PARP16: variants seen among roughly 807,000 people sequenced by gnomAD.
The protein encoded by PARP16 is poly(ADP-ribose) polymerase family member 16.
PARP16 carries 31 observed loss-of-function variants against 35.0 expected under a neutral mutation model. The observed-to-expected ratio is 0.88, with a 90% CI of 0.66 to 1.19. The LOEUF (loss-of-function observed/expected upper bound fraction) is 1.19. Among genes scored for constraint, PARP16 ranks in the 50% most tolerant of loss-of-function variants. The pLI is 0.00. For synonymous variants in PARP16, 162 were observed against 169.5 expected, an observed-to-expected ratio of 0.96 and a Z score of 0.34; for missense variants, 424 against 411.2, an observed-to-expected ratio of 1.03 and a Z score of -0.27.
intron 3 of PARP16, among the ~76,000 whole-genome samples, chr15:65,265,598 T>C (rs556316798): frequency 6.6e-6 from 1 of 152,150 alleles, no homozygotes; most frequent in African/African-American, 2.4e-5. Context: ...TCTTGGCATA[T>C]CCCTCAGTTT....
At chr15:65,261,049 A>G in intron 4 of PARP16, 23 bp from the exon 5 acceptor site, 1 of 1,606,522 alleles carries the variant, frequency 6.2e-7, no homozygotes, top group Non-Finnish European at 8.5e-7. Context: ...AGTAAAACAC[A>G]TCTTCACTGG....
chr15:65,242,397 A>C (rs1320451626), intron 3 of PARP16, among the ~76,000 whole-genome samples: 1 of 36,064 alleles, frequency 2.8e-5, no homozygotes, highest in African/African-American at 9.5e-5. Flanking sequence ...TGTTTACTAC[A>C]AAAAAAAAAA....
At chr15:65,272,855 T>C (rs1173593327) in intron 1 of PARP16, among the ~76,000 whole-genome samples, 2 of 152,326 alleles carry the variant, frequency 1.3e-5, no homozygotes, top group East Asian at 3.9e-4. Context: ...GGTCACAGAA[T>C]CTCAGGGCTT....
intron 1 of PARP16, among the ~76,000 whole-genome samples, chr15:65,271,712 C>T (rs924839578): frequency 6.6e-6 from 1 of 152,162 alleles, no homozygotes; most frequent in African/African-American, 2.4e-5. Flanking sequence ...ATGAGTATGG[C>T]ATGCCACCCA....
chr15:65,243,086 C>G (rs575647280), intron 3 of PARP16, among the ~76,000 whole-genome samples: 2 of 152,270 alleles, frequency 1.3e-5, no homozygotes, highest in South Asian at 2.1e-4. Context: ...TAAATAAAGA[C>G]AGTTTTACTT....
chr15:65,257,242 C>T (rs1048797036), downstream of PARP16, among the ~76,000 whole-genome samples: 1 of 152,088 alleles, frequency 6.6e-6, no homozygotes, highest in Non-Finnish European at 1.5e-5. Flanking sequence ...CATGGTAAAA[C>T]CCCATCTCTA....
At chr15:65,252,433 A>C (rs2089386112) in intron 2 of PARP16, among the ~76,000 whole-genome samples, 1 of 152,218 alleles carries the variant, frequency 6.6e-6, no homozygotes, top group Non-Finnish European at 1.5e-5. Flanking sequence ...GATAGCCTGC[A>C]CTTGCTCAAG....
chr15:65,239,452 A>AAAAAAAAG lies in PARP16; in HGVS notation c.*98-4630_*98-4629insCTTTTTTT, dbSNP rs34910178. 6.6e-3 allele frequency among the ~76,000 whole-genome samples: 740 copies of AAAAAAAAG among 112,800 alleles called. 31 individuals carry two copies. The highest frequency in any genetic ancestry group is 0.01 in the Non-Finnish European group (531 of 52,196). The allele number at this position is 112,800 out of a possible 152,430, so 74.0% of individuals were successfully genotyped here. A position where few individuals can be genotyped will look rare whatever the true frequency, so the allele number is the denominator to read the frequency against. ...AAAAAAAAAAAAAAAAAAAAAAAAA[A>AAAAAAAAG]AGAGAGAAAAGAAAAAAAAAAGAAA... On this transcript the variant is annotated intron_variant and NMD_transcript_variant, in intron 3 of 3. Coordinates refer to the PARP16 transcript ENST00000559805.
At chr15:65,260,508 C>T (rs2089674315) in intron 5 of PARP16, among the ~76,000 whole-genome samples, 1 of 152,194 alleles carries the variant, frequency 6.6e-6, no homozygotes, top group Non-Finnish European at 1.5e-5. Context: ...CTGAGCCAGC[C>T]TGTGCACAAT....
chr15:65,251,755 T>G (rs2089366897), intron 2 of PARP16, among the ~76,000 whole-genome samples: 1 of 152,144 alleles, frequency 6.6e-6, no homozygotes, highest in African/African-American at 2.4e-5. Flanking sequence ...TGCCTAGGTT[T>G]TTTTTTTGTT....
intron 2 of PARP16, among the ~76,000 whole-genome samples, chr15:65,251,954 C>T (rs908735923): frequency 1.3e-5 from 2 of 152,006 alleles, no homozygotes; most frequent in Admixed American, 6.6e-5. Context: ...TTAGTAGAGA[C>T]GGGGTTTCAC....
rs891750608 is a variant in PARP16 at position 65,266,676 on chromosome 15, G to A, written c.405C>T (p.Asn135=). ...CTCCTTTGGTCTCATAAAATTTGGC[G>A]TTGGCTGGGTCAAAGTACTCAATTT... is the stretch of plus-strand genomic sequence containing the variant. ...LFEIEYFDPA[N]AKFYETKGER... Residue 135 remains asparagine (N), a synonymous_variant, in exon 3 of 6, where the codon AAC becomes AAT. Transcript: ENST00000649807. The A allele has an allele frequency of 2.2e-5, 35 of 1,613,988 alleles. No individual in the cohort carries two copies. The highest frequency in any genetic ancestry group is 6.7e-5 in the East Asian group (3 of 44,900).
chr15:65,255,752 A>G (rs2089486838), downstream of PARP16, among the ~76,000 whole-genome samples: 2 of 151,218 alleles, frequency 1.3e-5, no homozygotes, highest in Admixed American at 6.6e-5. Flanking sequence ...AGAAAAAAAA[A>G]AAAAAAAAAG....
downstream of PARP16, among the ~76,000 whole-genome samples, chr15:65,233,742 TA>T (rs796305887): frequency 0.025 from 2,894 of 117,504 alleles, 58 homozygotes; most frequent in African/African-American, 0.067. Context: ...TCACAAAAAT[TA>T]AAAAAAAAAA....
chr15:65,286,569 G>T lies in PARP16; in HGVS notation c.-143C>A. On this transcript the variant is annotated 5_prime_UTR_variant, in exon 1 of 6. Coordinates refer to ENST00000649807, the MANE Select transcript of PARP16 (RefSeq NM_001316943.2). ...CTGGGGTGGAGCTAGGCAGGGGGCT[G>T]AGATGACAGGGGTGAGAACGTGCCG... 1.8e-6 allele frequency: 1 copy of T among 569,976 alleles called. No homozygotes were observed. Among genetic ancestry groups the T allele is most frequent in the Non-Finnish European group, 2.9e-6 (1 of 340,502 alleles). The allele number at this position is 569,976 out of a possible 1,614,324, so 35.3% of individuals were successfully genotyped here. A position where few individuals can be genotyped will look rare whatever the true frequency, so the allele number is the denominator to read the frequency against.
intron 2 of PARP16, among the ~76,000 whole-genome samples, chr15:65,252,279 C>T (rs11629891): frequency 0.24 from 36,999 of 152,064 alleles, 4,865 homozygotes; most frequent in African/African-American, 0.31. Flanking sequence ...GTGACAAGAA[C>T]AACAGATGGA....
intron 2 of PARP16, 103 bp from the exon 3 acceptor site, chr15:65,266,871 C>A: frequency 2.6e-6 from 2 of 782,334 alleles, no homozygotes; most frequent in Non-Finnish European, 4.3e-6. Context: ...GGACTCTGCT[C>A]ATGAGAACAA....
intron 5 of PARP16, among the ~76,000 whole-genome samples, chr15:65,260,427 A>G (rs920288347): frequency 6.6e-6 from 1 of 152,194 alleles, no homozygotes; most frequent in African/African-American, 2.4e-5. Context: ...CCCTCATTTT[A>G]GAGATAAAGA....
intron 1 of PARP16, among the ~76,000 whole-genome samples, 174 bp downstream of exon 1, chr15:65,286,079 A>G (rs1595730313): frequency 6.6e-6 from 1 of 152,202 alleles, no homozygotes; most frequent in Non-Finnish European, 1.5e-5. Context: ...TGAGGGTGTT[A>G]GCAGTGTTCT....
Sources: gnomAD v4.1 joint callset for allele counts (sites outside exome capture counted in the v4.1 genomes callset) on GRCh38, gnomAD v4.1.1 for gene constraint, MANE v1.5 for transcripts, NCBI Gene and HGNC (gene_info 2026-07-23, HGNC 2026-07-21) for gene names.